AMBRA1: variants seen among roughly 807,000 people sequenced by gnomAD.
AMBRA1 encodes the protein activating molecule in BECN1-regulated autophagy protein 1.
In AMBRA1, 47 loss-of-function variants were observed where a neutral mutation model predicts 125.4. The ratio of observed to expected loss-of-function variants is 0.37; its 90% confidence interval spans 0.30 to 0.48. The LOEUF (loss-of-function observed/expected upper bound fraction) is 0.48. Ranked by LOEUF, AMBRA1 falls within the 20% of genes least tolerant of loss-of-function variation. AMBRA1 has a pLI of 0.99. For synonymous variants in AMBRA1, 626 were observed against 655.5 expected (o/e 0.95, Z 0.69); for missense variants, 1,331 against 1,693.4 (o/e 0.79, Z 3.76).
At chr11:46,495,098 T>C (rs1014530102) in intron 9 of AMBRA1, 4 of 152,248 alleles carry the variant, frequency 2.6e-5, no homozygotes, top group Non-Finnish European at 4.4e-5. Flanking sequence ...TACATTTCAC[T>C]GCTTCCTACA....
At chr11:46,564,652 G>A (rs891730972) in intron 1 of AMBRA1, among the ~76,000 whole-genome samples, 6 of 152,058 alleles carry the variant, frequency 3.9e-5, no homozygotes, top group Admixed American at 6.6e-5. Flanking sequence ...ATGAGGAGAG[G>A]GAGAAAGAAT....
rs933575779 is a variant in AMBRA1 at position 46,545,750 on chromosome 11, A to G, written c.405T>C (p.Asp135=). Residue 135 remains aspartate, a synonymous_variant, in exon 5 of 18, where the codon GAT becomes GAC. Coordinates refer to ENST00000683756, the MANE Select transcript of AMBRA1 (RefSeq NM_001387011.1). ...LHGGSESWFT[D]SNNAIASLAF... is the part of the protein sequence containing the mutation. Reference sequence around the variant, plus strand: ...CCAGGGAGGCAATGGCATTGTTGCTATCTGTGAACCAGCTTTCACTGCCAC... The same window carrying G: ...CCAGGGAGGCAATGGCATTGTTGCTGTCTGTGAACCAGCTTTCACTGCCAC... 6.2e-7 allele frequency: 1 copy of G among 1,614,164 alleles called. No individual in the cohort carries two copies. The highest frequency in any genetic ancestry group is 8.5e-7 in the Non-Finnish European group (1 of 1,180,006).
chr11:46,500,139 G>A (rs1228511830), intron 9 of AMBRA1, among the ~76,000 whole-genome samples: 2 of 152,158 alleles, frequency 1.3e-5, no homozygotes, highest in Non-Finnish European at 2.9e-5. Context: ...GGACTATTCC[G>A]TAGACAATAG....
At chr11:46,517,076 C>T (rs1236217233) in intron 7 of AMBRA1, among the ~76,000 whole-genome samples, 1 of 151,116 alleles carries the variant, frequency 6.6e-6, no homozygotes, top group African/African-American at 2.4e-5. Context: ...ATCCATTGGA[C>T]AGCAAGGGGG....
intron 9 of AMBRA1, among the ~76,000 whole-genome samples, chr11:46,496,622 C>A (rs993473425): frequency 1.3e-5 from 2 of 152,134 alleles, no homozygotes; most frequent in African/African-American, 4.8e-5. Flanking sequence ...CAGTACTGAG[C>A]AGTTGCCAGT....
chr11:46,510,065 A>G (rs1951200849), intron 8 of AMBRA1, among the ~76,000 whole-genome samples: 1 of 152,204 alleles, frequency 6.6e-6, no homozygotes, highest in East Asian at 1.9e-4. Context: ...CTTCTGGCCA[A>G]CCAGCAAATG....
chr11:46,430,816 G>C lies in AMBRA1; in HGVS notation c.2976+2658C>G, dbSNP rs148178878. On this transcript the variant is annotated intron_variant, in intron 14 of 17. Transcript: ENST00000683756. ...TTCTGGGTAGCAAAGCTCTAGGACA[G>C]GCCCATTACCCACTAAAGCATTCCT... 1.4e-4 allele frequency among the ~76,000 whole-genome samples: 22 copies of C among 152,286 alleles called. No homozygotes were observed. The East Asian group carries it at 2.7e-3, about 19-fold the overall frequency.
chr11:46,548,203 T>C, intron 2 of AMBRA1, 43 bp downstream of exon 2: 1 of 1,612,804 alleles, frequency 6.2e-7, no homozygotes, highest in Non-Finnish European at 8.5e-7. Flanking sequence ...CATTCTACCA[T>C]CACCAGCACA....
chr11:46,562,200 C>A (rs1334505127), intron 1 of AMBRA1, among the ~76,000 whole-genome samples: 1 of 152,010 alleles, frequency 6.6e-6, no homozygotes, highest in Admixed American at 6.6e-5. Flanking sequence ...GAAATAGAAA[C>A]CTTGAGAAAA....
chr11:46,445,071 C>CAAAAAAAAAAA (rs11386442), intron 11 of AMBRA1, among the ~76,000 whole-genome samples: 4 of 89,770 alleles, frequency 4.5e-5, no homozygotes, highest in Non-Finnish European at 7.4e-5. Flanking sequence ...AAAAGAAAAA[C>CAAAAAAAAAAA]AAAAAAAAAA....
chr11:46,426,448 G>GT (rs1053006585), intron 14 of AMBRA1, among the ~76,000 whole-genome samples: 5 of 152,150 alleles, frequency 3.3e-5, no homozygotes, highest in African/African-American at 1.2e-4. Flanking sequence ...GCTCAATAAA[G>GT]TTTTTTTGAG....
intron 1 of AMBRA1, among the ~76,000 whole-genome samples, chr11:46,575,727 G>C (rs11038923): frequency 1.3e-5 from 2 of 152,014 alleles, no homozygotes; most frequent in Non-Finnish European, 2.9e-5. Flanking sequence ...ATATTGGCCA[G>C]GCTGGTCTCG....
chr11:46,582,678 T>C (rs1258513505), intron 1 of AMBRA1, among the ~76,000 whole-genome samples: 2 of 152,184 alleles, frequency 1.3e-5, no homozygotes, highest in Non-Finnish European at 2.9e-5. Context: ...AATTGCTTAA[T>C]TTCTCTGTGC....
At chr11:46,429,328 T>C (rs1947338687) in intron 14 of AMBRA1, among the ~76,000 whole-genome samples, 1 of 152,162 alleles carries the variant, frequency 6.6e-6, no homozygotes, top group African/African-American at 2.4e-5. Flanking sequence ...GAGCAGCCGC[T>C]AAGGTGGCAG....
chr11:46,423,553 G>A (rs1255796826), intron 14 of AMBRA1, among the ~76,000 whole-genome samples: 3 of 151,422 alleles, frequency 2.0e-5, no homozygotes, highest in African/African-American at 7.3e-5. Context: ...CACCACGCCC[G>A]GCTAGTTTTT....
intron 11 of AMBRA1, chr11:46,491,465 C>G (rs1421426524): frequency 1.3e-5 from 2 of 152,176 alleles, no homozygotes; most frequent in Non-Finnish European, 2.9e-5. Flanking sequence ...ATAGCAAGTG[C>G]TCAATAAATG....
At chr11:46,460,021 T>C (rs1438808751) in intron 11 of AMBRA1, among the ~76,000 whole-genome samples, 1 of 152,168 alleles carries the variant, frequency 6.6e-6, no homozygotes, top group Non-Finnish European at 1.5e-5. Context: ...ATAGCTTTAG[T>C]AGCCAAAAAA....
chr11:46,553,154 G>C (rs958781293), intron 1 of AMBRA1, among the ~76,000 whole-genome samples: 1 of 151,826 alleles, frequency 6.6e-6, no homozygotes, highest in Admixed American at 6.6e-5. Flanking sequence ...TATTGGTCAG[G>C]CTGGTCTCGA....
At chr11:46,526,331 C>G (rs1488920691) in intron 7 of AMBRA1, among the ~76,000 whole-genome samples, 1 of 151,898 alleles carries the variant, frequency 6.6e-6, no homozygotes, top group African/African-American at 2.4e-5. Flanking sequence ...CTTGTGTGGT[C>G]CCCTCCCACA....
Sources: allele counts gnomAD v4.1 joint callset (sites outside exome capture counted in the v4.1 genomes callset), GRCh38; gene constraint gnomAD v4.1.1; transcripts MANE v1.5; gene names NCBI Gene and HGNC (gene_info 2026-07-23, HGNC 2026-07-21).